The following WDR77 variants were observed in gnomAD, a reference collection of about 807,000 sequenced individuals.
The protein encoded by WDR77 is WD repeat domain 77.
Under a neutral mutation model 44.0 loss-of-function variants are expected in WDR77, and 31 were observed. The ratio of observed to expected loss-of-function variants is 0.70; its 90% CI spans 0.53 to 0.95. The LOEUF (loss-of-function observed/expected upper bound fraction) is 0.95. WDR77 is among the 40% of genes least tolerant of loss of function. The pLI is 0.00. For missense variants in WDR77, 390 were observed against 423.9 expected (o/e 0.92, Z 0.70); for synonymous variants, 186 against 165.7 (o/e 1.12, Z -0.94).
In WDR77 at chr1:111,447,532, C is replaced by T. The variant is rs754737114; in HGVS notation, c.346G>A (p.Val116Ile). ...WELDENETLIVSKFCKYEHDD... is the reference protein window; with the variant it reads ...WELDENETLIISKFCKYEHDD... ...TGCTCATACTTGCAGAACTTGCTGA[C>T]AATAAGTGTCTCATTCTCATCTAGT... The change falls in exon 3 of 10, where the codon GTC (valine) becomes ATC (isoleucine). Residue 116 changes from valine to isoleucine, a missense_variant. Coordinates refer to ENST00000235090, the MANE Select transcript of WDR77 (RefSeq NM_024102.4). 2.5e-6 allele frequency: 4 copies of T among 1,614,090 alleles called. No homozygotes were observed. In the Admixed American group the frequency reaches 6.7e-5, roughly 27 times the overall value.
chr1:111,446,446 T>TTTA, intron 4 of WDR77, among the ~76,000 whole-genome samples: 1 of 152,180 alleles, frequency 6.6e-6, no homozygotes, highest in South Asian at 2.1e-4. Flanking sequence ...AGTCTCAAGA[T>TTTA]TTATCCCTCA....
At chr1:111,445,345 C>T (rs1652979984) in intron 4 of WDR77, among the ~76,000 whole-genome samples, 1 of 152,164 alleles carries the variant, frequency 6.6e-6, no homozygotes, top group African/African-American at 2.4e-5. Context: ...CCCTAGAATT[C>T]ATAGAAAGCC....
intron 9 of WDR77, 94 bp from the exon 10 acceptor site, chr1:111,441,483 T>G (rs903633293): frequency 1.4e-6 from 2 of 1,394,232 alleles, no homozygotes; most frequent in Non-Finnish European, 1.9e-6. Context: ...GCACATTTTT[T>G]GGGTGTGTTA....
chr1:111,446,480 T>C (rs1057028940), intron 4 of WDR77, among the ~76,000 whole-genome samples: 5 of 152,066 alleles, frequency 3.3e-5, no homozygotes, highest in African/African-American at 7.2e-5. Context: ...TCTAGTAAGC[T>C]TGAAGAGAGG....
rs771456821 is a variant in WDR77, at chr1:111,441,272, T to C, written c.987A>G (p.Thr329=). The part of the protein sequence containing the change: ...DHQVVHHVVP[T]EPLPAPGPAS... ...CAGGTCCAGGGGCTGGGAGAGGTTC[T>C]GTGGGCACAACGTGGTGGACGACCT... The change falls in exon 10 of 10, where the codon ACA becomes ACG. Residue 329 remains threonine (T), a synonymous_variant. Transcript: ENST00000235090. 6.3e-7 allele frequency: 1 copy of C among 1,586,166 alleles called. No homozygotes were observed. The highest frequency in any genetic ancestry group is 1.8e-5 in the Admixed American group (1 of 56,086).
At chr1:111,441,510 T>G (rs555969911) in intron 9 of WDR77, 121 bp from the exon 10 acceptor site, 1 of 1,343,522 alleles carries the variant, frequency 7.4e-7, no homozygotes, top group Admixed American at 3.5e-5. Context: ...TTTCACCAAC[T>G]GTATGGCCTC....
At chr1:111,447,399 G>A in intron 3 of WDR77, 36 bp downstream of exon 3, 1 of 1,612,944 alleles carries the variant, frequency 6.2e-7, no homozygotes, top group East Asian at 2.2e-5. Context: ...ACCCACAGGA[G>A]GCTTAGAGAC....
At chr1:111,443,544 C>T in intron 6 of WDR77, 150 bp from the exon 7 acceptor site, 2 of 1,277,522 alleles carry the variant, frequency 1.6e-6, no homozygotes, top group African/African-American at 3.0e-5. Flanking sequence ...AGCCTCATAA[C>T]CATTTATCCC....
Position 111,441,341 on chromosome 1 carries a change from G to A in WDR77, c.918C>T (p.Ser306=), listed in dbSNP as rs1343051690. The A allele has an allele frequency of 6.4e-7, 1 of 1,567,566 alleles. No homozygotes were observed. Among genetic ancestry groups the A allele is most frequent in the Non-Finnish European group, 8.7e-7 (1 of 1,153,902 alleles). ...TGGTAAGCAGGGAGTGATTGAGCGG[G>A]GACCAAGTCGCATCTCTCACAAAGT... ...HRDFVRDATW[S]PLNHSLLTTV... Residue 306 remains serine (S), a synonymous_variant, in exon 10 of 10, where the codon TCC becomes TCT. Coordinates refer to ENST00000235090, the MANE Select transcript of WDR77 (RefSeq NM_024102.4).
rs1232952597 is a variant in WDR77, at chr1:111,443,272, T to C, written c.691+51A>G. The C allele has an allele frequency of 1.7e-5, 26 of 1,528,698 alleles. No individual in the cohort carries two copies. The Admixed American group carries it at 4.6e-4, about 27-fold the overall frequency. 94.7% of individuals were successfully genotyped at this position (1,528,698 alleles called of 1,614,324 possible). ...GTGTTGTGGAGTCAGCTCTTTCTTT[T>C]TCCTCCTCCCCTTTCCCAGAGTCAA... On this transcript the variant is annotated intron_variant, in intron 7 of 9. Coordinates refer to ENST00000235090, the MANE Select transcript of WDR77 (RefSeq NM_024102.4).
chr1:111,448,877 G>C (rs555349538), intron 1 of WDR77, 73 bp from the exon 2 acceptor site: 4 of 1,547,046 alleles, frequency 2.6e-6, no homozygotes, highest in Admixed American at 2.0e-5. Flanking sequence ...ACAGAACAGC[G>C]TTCCGGCCGG....
At chr1:111,447,756 TTAC>T (rs1653109383) in intron 2 of WDR77, among the ~76,000 whole-genome samples, 180 bp from the exon 3 acceptor site, 1 of 152,238 alleles carries the variant, frequency 6.6e-6, no homozygotes, top group Admixed American at 6.5e-5. Context: ...TTATTCTGCG[TTAC>T]TGTTTTCCTA....
intron 7 of WDR77, 48 bp from the exon 8 acceptor site, chr1:111,442,809 T>C: frequency 7.4e-7 from 1 of 1,348,808 alleles, no homozygotes; most frequent in Non-Finnish European, 9.9e-7. Flanking sequence ...CATGGACTTT[T>C]GTGCCAAAGA....
chr1:111,442,190 G>A (rs1652844333), intron 8 of WDR77, 97 bp from the exon 9 acceptor site: 2 of 1,196,748 alleles, frequency 1.7e-6, no homozygotes, highest in Non-Finnish European at 1.2e-6. Flanking sequence ...AGTGACCCAG[G>A]AGAGGCAGCC....
intron 3 of WDR77, 38 bp downstream of exon 3, chr1:111,447,397 G>C: frequency 1.9e-6 from 3 of 1,612,464 alleles, no homozygotes; most frequent in Non-Finnish European, 2.5e-6. Context: ...GCACCCACAG[G>C]AGGCTTAGAG....
In WDR77 at chr1:111,440,918, G is replaced by C. The variant is rs773380484; in HGVS notation, c.*312C>G. ...AAAACCCTTTCGTCAACTTGTTTTG[G>C]GGGGTGAGAGAGAGGCAGTGCTTAG... On this transcript the variant is annotated 3_prime_UTR_variant, in exon 10 of 10. Coordinates refer to ENST00000235090, the MANE Select transcript of WDR77 (RefSeq NM_024102.4). 4.8e-5 allele frequency: 9 copies of C among 188,260 alleles called. No individual in the cohort carries two copies. Among genetic ancestry groups the C allele is most frequent in the African/African-American group, 1.2e-4 (5 of 42,876 alleles). The allele number at this position is 188,260 out of a possible 1,614,324, so 11.7% of individuals were successfully genotyped here.
chr1:111,441,396 G>C lies in WDR77; in HGVS notation c.870-7C>G, dbSNP rs764178094. On this transcript the variant is annotated splice_polypyrimidine_tract_variant and splice_region_variant and intron_variant, in intron 9 of 9. Transcript: ENST00000235090. ...GTGGGCTTGGCTTCTAAACCTAGAA[G>C]AAAGAAAAAAAGTCGGGGCAGAGTA... is the stretch of plus-strand genomic sequence containing the variant. The C allele has an allele frequency of 6.7e-7, 1 of 1,488,400 alleles. No homozygotes were observed. The highest frequency in any genetic ancestry group is 9.0e-7 in the Non-Finnish European group (1 of 1,113,626). The allele number at this position is 1,488,400 out of a possible 1,614,324, so 92.2% of individuals were successfully genotyped here.
intron 4 of WDR77, among the ~76,000 whole-genome samples, chr1:111,444,745 A>C (rs1238002379): frequency 6.6e-6 from 1 of 152,252 alleles, no homozygotes; most frequent in Non-Finnish European, 1.5e-5. Context: ...GGTAAAATTC[A>C]ATGAAGGGGG....
chr1:111,447,983 G>C (rs1231021611), intron 2 of WDR77, among the ~76,000 whole-genome samples: 1 of 152,230 alleles, frequency 6.6e-6, no homozygotes, highest in African/African-American at 2.4e-5. Context: ...TGCTGAACTA[G>C]TTGAATAAAT....
Sources: gnomAD v4.1 joint callset for allele counts (sites outside exome capture counted in the v4.1 genomes callset) on GRCh38, gnomAD v4.1.1 for gene constraint, MANE v1.5 for transcripts, NCBI Gene and HGNC (gene_info 2026-07-23, HGNC 2026-07-21) for gene names.